The following BICD1 variants were observed in gnomAD, a reference collection of about 807,000 sequenced individuals.
BICD1 encodes BICD cargo adaptor 1.
In BICD1, 35 loss-of-function variants were observed where a neutral mutation model predicts 92.5. The ratio of observed to expected loss-of-function variants is 0.38; its 90% CI spans 0.29 to 0.50. The LOEUF is 0.50. Ranked by LOEUF, BICD1 falls within the 20% of genes least tolerant of loss-of-function variation. BICD1 has a pLI of 0.93. For synonymous variants in BICD1, 429 were observed against 465.1 expected, an observed-to-expected ratio of 0.92 and a Z score of 1.00; for missense variants, 950 against 1,189.8, an observed-to-expected ratio of 0.80 and a Z score of 2.97.
chr12:32,109,695 G>A (rs1455237237), intron 1 of BICD1: 1 of 151,814 alleles, frequency 6.6e-6, no homozygotes, highest in Non-Finnish European at 1.5e-5. Context: ...ATATAAAAAT[G>A]TATTTTAGGT....
At chr12:32,295,690 G>A (rs1947849383) in intron 3 of BICD1, among the ~76,000 whole-genome samples, 1 of 146,370 alleles carries the variant, frequency 6.8e-6, no homozygotes, top group Non-Finnish European at 1.5e-5. Context: ...GTCTTGCTGT[G>A]TTGCCCAGGC....
rs552577828 is a variant in BICD1, at chr12:32,121,909, G to A, written c.213+14365G>A. 1.1e-4 allele frequency among the ~76,000 whole-genome samples: 16 copies of A among 151,618 alleles called. 1 individual carries two copies. Among genetic ancestry groups the A allele is most frequent in the African/African-American group, 2.7e-4 (11 of 41,324 alleles). On this transcript the variant is annotated intron_variant, in intron 1 of 9. Coordinates refer to ENST00000652176, the MANE Select transcript of BICD1 (RefSeq NM_001714.4). ...GCTCACTGCAGCTTTGACTTCCCAG[G>A]CTCAAGTGATCCTCCTGCCTCAGCC... is the stretch of plus-strand genomic sequence containing the variant.
intron 1 of BICD1, among the ~76,000 whole-genome samples, chr12:32,152,149 G>A (rs769860771): frequency 6.6e-6 from 1 of 152,012 alleles, no homozygotes; most frequent in East Asian, 1.9e-4. Context: ...TAGAGATGGG[G>A]TTTCGCCATG....
intron 4 of BICD1, among the ~76,000 whole-genome samples, chr12:32,318,948 A>T (rs923455728): frequency 1.3e-5 from 2 of 152,212 alleles, no homozygotes; most frequent in African/African-American, 2.4e-5. Flanking sequence ...CACTGCTAGT[A>T]TATAGAAATA....
At chr12:32,331,065 G>A (rs1237754997) in intron 5 of BICD1, among the ~76,000 whole-genome samples, 1 of 152,028 alleles carries the variant, frequency 6.6e-6, no homozygotes, top group Admixed American at 6.6e-5. Flanking sequence ...ACCCCGGGGG[G>A]CGGAGGTTGC....
intron 2 of BICD1, among the ~76,000 whole-genome samples, chr12:32,263,322 G>A (rs888445540): frequency 1.3e-5 from 2 of 152,140 alleles, no homozygotes; most frequent in African/African-American, 2.4e-5. Context: ...GCCGAGGCGG[G>A]TGGATCACGA....
At chr12:32,175,986 T>C (rs114656242) in intron 1 of BICD1, among the ~76,000 whole-genome samples, 1 of 152,366 alleles carries the variant, frequency 6.6e-6, no homozygotes, top group African/African-American at 2.4e-5. Flanking sequence ...GTACCATATG[T>C]GAACTTTTGT....
intron 8 of BICD1, chr12:32,339,780 G>T (rs1938289187): frequency 3.0e-6 from 3 of 985,230 alleles, no homozygotes; most frequent in African/African-American, 1.7e-5. Context: ...GCTGTTATTT[G>T]ACTATTGCCA....
At position 32,108,227 on chromosome 12, in the gene BICD1, A is replaced by G. The variant is rs141777913; in HGVS notation, c.213+683A>G. 467 of 185,306 alleles carry G rather than the reference A, an allele frequency of 2.5e-3. 2 individuals carry two copies. The highest frequency in any genetic ancestry group is 0.011 in the African/African-American group (451 of 42,354). 11.5% of individuals were successfully genotyped at this position (185,306 alleles called of 1,614,324 possible). ...TTGAACTCACCTACAAATAGTCTGA[A>G]AGAGTGGTGTATATCAAATACGTGG... On this transcript the variant is annotated intron_variant, in intron 1 of 9. Coordinates refer to ENST00000652176, the MANE Select transcript of BICD1 (RefSeq NM_001714.4).
chr12:32,238,628 C>T (rs979255427), intron 2 of BICD1, among the ~76,000 whole-genome samples: 1 of 152,172 alleles, frequency 6.6e-6, no homozygotes, highest in African/African-American at 2.4e-5. Flanking sequence ...ACAATTGGTG[C>T]AGCAAAATTA....
At chr12:32,115,714 G>A (rs1941867720) in intron 1 of BICD1, among the ~76,000 whole-genome samples, 1 of 152,176 alleles carries the variant, frequency 6.6e-6, no homozygotes, top group South Asian at 2.1e-4. Context: ...GCAGACCCAG[G>A]GGAATGATAC....
chr12:32,158,627 A>G (rs1286149670), intron 1 of BICD1, among the ~76,000 whole-genome samples: 1 of 152,172 alleles, frequency 6.6e-6, no homozygotes, highest in East Asian at 1.9e-4. Context: ...AGAGAAGCCC[A>G]TGTACTTTAT....
At chr12:32,142,532 C>G (rs1942977576) in intron 1 of BICD1, among the ~76,000 whole-genome samples, 1 of 98,554 alleles carries the variant, frequency 1.0e-5, no homozygotes, top group Non-Finnish European at 2.0e-5. Context: ...ACTAATTTTT[C>G]AAATTAAAAA....
intron 2 of BICD1, among the ~76,000 whole-genome samples, chr12:32,287,265 G>T (rs1371284049): frequency 3.9e-5 from 6 of 152,108 alleles, no homozygotes; most frequent in East Asian, 1.9e-4. Flanking sequence ...AGTAGCACTT[G>T]TTACTTTGTT....
chr12:32,374,734 ATTTTTTTTTTTTTTTTTTT>A (rs1179747608), intron 9 of BICD1, among the ~76,000 whole-genome samples: 1 of 80,120 alleles, frequency 1.2e-5, no homozygotes, highest in Admixed American at 1.6e-4. Flanking sequence ...CGCCCGGCTA[ATTTTTTTTTTTTTTTTTTT>A]TTTTTGTATT....
In BICD1 at chr12:32,117,371, G is replaced by A. The variant is rs534681779; in HGVS notation, c.213+9827G>A. Among the ~76,000 whole-genome samples the A allele has an allele frequency of 2.0e-5, 3 of 152,210 alleles. No individual in the cohort carries two copies. In the South Asian group the frequency reaches 6.2e-4, roughly 32 times the overall value. ...CCACCAGAGCAGTGTTTCCAACATG[G>A]TTAAATTGTTCTGCTTTAATGTTTG... On this transcript the variant is annotated intron_variant, in intron 1 of 9. Coordinates refer to ENST00000652176, the MANE Select transcript of BICD1 (RefSeq NM_001714.4).
Position 32,382,704 on chromosome 12 carries a change from C to T in BICD1, c.*5077C>T, listed in dbSNP as rs1940226486. On this transcript the variant is annotated 3_prime_UTR_variant, in exon 10 of 10. Coordinates refer to ENST00000652176, the MANE Select transcript of BICD1 (RefSeq NM_001714.4). ...CTTTTTTTCTTTCAGAATTATTCCT[C>T]AATCATTGTTCTCTAATGAAAACAC... 6.6e-6 allele frequency: 1 copy of T among 151,706 alleles called. No individual in the cohort carries two copies. The highest frequency in any genetic ancestry group is 2.4e-5 in the African/African-American group (1 of 41,326). The allele number at this position is 151,706 out of a possible 1,614,324, so 9.4% of individuals were successfully genotyped here.
At chr12:32,210,325 T>C (rs576324157) in intron 1 of BICD1, among the ~76,000 whole-genome samples, 1 of 152,308 alleles carries the variant, frequency 6.6e-6, no homozygotes, top group Admixed American at 6.5e-5. Context: ...GCCACAGTTT[T>C]TGAGATGAAA....
chr12:32,307,920 T>C (rs1239910576), intron 4 of BICD1, among the ~76,000 whole-genome samples: 1 of 152,168 alleles, frequency 6.6e-6, no homozygotes, highest in Non-Finnish European at 1.5e-5. Context: ...AGATAAAAAG[T>C]TAGTGGGTTC....
Sources: gnomAD v4.1 joint callset for allele counts (sites outside exome capture counted in the v4.1 genomes callset) on GRCh38, gnomAD v4.1.1 for gene constraint, MANE v1.5 for transcripts, NCBI Gene and HGNC (gene_info 2026-07-23, HGNC 2026-07-21) for gene names.